The following PTPRD variants were observed in gnomAD, a reference collection of about 807,000 sequenced individuals.
PTPRD encodes receptor-type tyrosine-protein phosphatase delta.
A neutral mutation model predicts 214.5 loss-of-function variants in PTPRD; 34 were observed. The observed-to-expected ratio is 0.16, with a 90% CI of 0.12 to 0.21. The LOEUF (loss-of-function observed/expected upper bound fraction) is 0.21. PTPRD is among the 10% of genes least tolerant of loss of function. PTPRD has a pLI of 1.00. For missense variants in PTPRD, 2,545 were observed against 2,398.7 expected (o/e 1.06, Z -1.27); for synonymous variants, 1,128 against 845.7 (o/e 1.33, Z -5.79).
At chr9:8,919,590 G>C (rs2098810854) in intron 11 of PTPRD, among the ~76,000 whole-genome samples, 1 of 152,110 alleles carries the variant, frequency 6.6e-6, no homozygotes, top group Non-Finnish European at 1.5e-5. Context: ...GTGTCATGCA[G>C]AAACATCTCA....
chr9:9,673,504 G>C (rs2096869719), intron 7 of PTPRD, among the ~76,000 whole-genome samples: 1 of 151,462 alleles, frequency 6.6e-6, no homozygotes, highest in Admixed American at 6.6e-5. Context: ...GTAAAAGAAA[G>C]AAAAATAGCA....
intron 11 of PTPRD, among the ~76,000 whole-genome samples, chr9:8,950,519 T>C (rs10977396): frequency 0.32 from 48,687 of 150,676 alleles, 8,092 homozygotes; most frequent in Non-Finnish European, 0.36. Context: ...CAAGTTCACA[T>C]AGCACTGGGT....
intron 2 of PTPRD, among the ~76,000 whole-genome samples, chr9:10,554,692 G>C (rs1057395639): frequency 1.2e-4 from 18 of 150,910 alleles, no homozygotes; most frequent in African/African-American, 4.4e-4. Context: ...ATGGAGTCTC[G>C]CTTTGTCGCT....
rs1362708134 is a variant in PTPRD, at chr9:9,273,540, T to C, written c.-202-90177A>G. On this transcript the variant is annotated intron_variant, in intron 9 of 45. Transcript: ENST00000381196. ...AAGTTGGGTTTATTTACTATTCTAA[T>C]GGAATTTTCTTTAAAAACAGAGAAC... Among the ~76,000 whole-genome samples, 4 of 151,354 alleles carry C rather than the reference T, an allele frequency of 2.6e-5. No individual in the cohort carries two copies. The East Asian group carries it at 7.8e-4, about 30-fold the overall frequency.
chr9:8,472,318 G>A (rs1374446526), intron 30 of PTPRD, among the ~76,000 whole-genome samples: 1 of 152,060 alleles, frequency 6.6e-6, no homozygotes, highest in African/African-American at 2.4e-5. Flanking sequence ...AAAAGAGGAG[G>A]CCACCACACA....
chr9:8,437,464 A>G (rs955773145), intron 34 of PTPRD, among the ~76,000 whole-genome samples: 2 of 152,214 alleles, frequency 1.3e-5, no homozygotes, highest in African/African-American at 4.8e-5. Context: ...CACAGACACA[A>G]AGAATGACAT....
intron 10 of PTPRD, among the ~76,000 whole-genome samples, chr9:9,087,364 C>A (rs1223419016): frequency 6.6e-6 from 1 of 152,002 alleles, no homozygotes; most frequent in Non-Finnish European, 1.5e-5. Context: ...ACCTATTACC[C>A]ATGTGTGACC....
chr9:8,783,761 T>C (rs541796331), intron 11 of PTPRD, among the ~76,000 whole-genome samples: 6 of 152,238 alleles, frequency 3.9e-5, no homozygotes, highest in South Asian at 4.1e-4. Context: ...TCTACTGTCA[T>C]AGGATTTTCA....
At chr9:10,041,624 G>C (rs991073102) in intron 3 of PTPRD, among the ~76,000 whole-genome samples, 3 of 151,636 alleles carry the variant, frequency 2.0e-5, no homozygotes, top group Admixed American at 2.0e-4. Context: ...AGTGTAATAT[G>C]AGCAAGAAAC....
chr9:9,281,088 C>T (rs983513099), intron 9 of PTPRD, among the ~76,000 whole-genome samples: 1 of 151,310 alleles, frequency 6.6e-6, no homozygotes, highest in Non-Finnish European at 1.5e-5. Flanking sequence ...ACAGATCCTA[C>T]ACTGCTCCCA....
chr9:10,302,509 T>C (rs1250339469), intron 3 of PTPRD, among the ~76,000 whole-genome samples: 3 of 152,210 alleles, frequency 2.0e-5, no homozygotes, highest in Non-Finnish European at 4.4e-5. Context: ...TGTGCTGTAT[T>C]CGGGAGACCC....
At chr9:9,879,329 T>A (rs1422341231) in intron 5 of PTPRD, among the ~76,000 whole-genome samples, 1 of 152,212 alleles carries the variant, frequency 6.6e-6, no homozygotes. Context: ...ATGAAATGTC[T>A]GTATTACTTC....
intron 7 of PTPRD, among the ~76,000 whole-genome samples, chr9:9,727,495 T>C (rs1180250589): frequency 6.6e-6 from 1 of 152,160 alleles, no homozygotes; most frequent in Non-Finnish European, 1.5e-5. Context: ...CATTCATAAA[T>C]ATTTTATGTC....
intron 11 of PTPRD, among the ~76,000 whole-genome samples, chr9:8,783,385 C>T (rs2095816205): frequency 1.3e-5 from 2 of 152,210 alleles, no homozygotes; most frequent in Non-Finnish European, 2.9e-5. Flanking sequence ...TCAAATTCAA[C>T]TGAAAAGTAT....
chr9:8,700,671 T>C (rs1206966954), intron 12 of PTPRD: 1 of 152,196 alleles, frequency 6.6e-6, no homozygotes, highest in Non-Finnish European at 1.5e-5. Flanking sequence ...AAGAAAACTC[T>C]TGACTTTACC....
chr9:8,748,665 A>G (rs936832960), intron 11 of PTPRD, among the ~76,000 whole-genome samples: 1 of 152,064 alleles, frequency 6.6e-6, no homozygotes, highest in Non-Finnish European at 1.5e-5. Context: ...TAATCCCAAC[A>G]TTTTGAACAG....
At position 8,340,422 on chromosome 9, in the gene PTPRD, G is replaced by T. The variant is rs376310467; in HGVS notation, c.5174C>A (p.Thr1725Asn). The T allele has an allele frequency of 6.2e-7, 1 of 1,609,428 alleles. No homozygotes were observed. Among genetic ancestry groups the T allele is most frequent in the Non-Finnish European group, 8.5e-7 (1 of 1,176,726 alleles). ...CCAGAGCATCCGCCAGAAGTCTTCA[G>T]TGGTCTCTGCCAAGGGCCCCTGGGT... Reference protein sequence around the residue: ...IATQGPLAETTEDFWRMLWEH... With the variant: ...IATQGPLAETNEDFWRMLWEH... The change falls in exon 42 of 46, where the codon ACT (threonine) becomes AAT (asparagine). Residue 1725 changes from threonine (T) to asparagine (N), a missense_variant. Physicochemically the swap from Thr to Asn is moderately conservative, Grantham distance 65. Coordinates refer to ENST00000381196, the MANE Select transcript of PTPRD (RefSeq NM_002839.4).
At chr9:9,455,291 T>C (rs2092827174) in intron 8 of PTPRD, among the ~76,000 whole-genome samples, 1 of 151,532 alleles carries the variant, frequency 6.6e-6, no homozygotes, top group Admixed American at 6.6e-5. Flanking sequence ...TTTAAAATAT[T>C]AATTTTTAAA....
intron 5 of PTPRD, among the ~76,000 whole-genome samples, chr9:9,902,996 G>C (rs535328030): frequency 6.6e-6 from 1 of 151,968 alleles, no homozygotes; most frequent in East Asian, 1.9e-4. Context: ...TTAATTAAGG[G>C]AGTTTTACCT....
Sources: allele counts gnomAD v4.1 joint callset (sites outside exome capture counted in the v4.1 genomes callset), GRCh38; gene constraint gnomAD v4.1.1; transcripts MANE v1.5; gene names NCBI Gene and HGNC (gene_info 2026-07-23, HGNC 2026-07-21).